BLTP1: variants seen among roughly 807,000 people sequenced by gnomAD.
BLTP1 encodes fragile site-associated protein.
At chr4:122,281,187 A>G in the BLTP1 span, 1 of 385,076 alleles carries the variant, frequency 2.6e-6, no homozygotes, top group African/African-American at 2.2e-5. Flanking sequence ...TAACAGTAGT[A>G]GTAGTAGTAA....
chr4:122,216,380 C>T, the BLTP1 span, among the ~76,000 whole-genome samples: 3 of 152,092 alleles, frequency 2.0e-5, no homozygotes, highest in African/African-American at 7.2e-5. Flanking sequence ...ACATTCCCAC[C>T]AGCAGTGTAA....
the BLTP1 span, chr4:122,304,945 G>A: frequency 1.2e-6 from 2 of 1,613,892 alleles, no homozygotes; most frequent in African/African-American, 2.7e-5. Flanking sequence ...ATGCCAGGTG[G>A]ATTTAAATCT....
the BLTP1 span, chr4:122,226,793 A>C: frequency 2.5e-6 from 4 of 1,613,202 alleles, no homozygotes; most frequent in Non-Finnish European, 3.4e-6. Flanking sequence ...AATCAGTTAT[A>C]ATATGTCAGC....
chr4:122,341,134 T>C, the BLTP1 span, among the ~76,000 whole-genome samples: 1 of 152,140 alleles, frequency 6.6e-6, no homozygotes, highest in Non-Finnish European at 1.5e-5. Flanking sequence ...TCAACATCTT[T>C]GTATGTAAAT....
chr4:122,153,282 A>G, the BLTP1 span, among the ~76,000 whole-genome samples: 1 of 150,884 alleles, frequency 6.6e-6, no homozygotes, highest in African/African-American at 2.4e-5. Flanking sequence ...AAGCGCCTGT[A>G]AGTTTCAACC....
the BLTP1 span, among the ~76,000 whole-genome samples, chr4:122,348,231 A>G: frequency 6.6e-6 from 1 of 152,298 alleles, no homozygotes; most frequent in Non-Finnish European, 1.5e-5. Context: ...TGTATTTGGC[A>G]ACAGCACCTT....
chr4:122,359,834 CT>C, the BLTP1 span: 1 of 1,441,298 alleles, frequency 6.9e-7, no homozygotes, highest in Non-Finnish European at 9.1e-7. Flanking sequence ...AGAAGTTAGT[CT>C]CCTGTAATGT....
chr4:122,279,631 C>A, the BLTP1 span: 1 of 901,884 alleles, frequency 1.1e-6, no homozygotes, highest in Non-Finnish European at 1.6e-6. Context: ...GAAATCTACA[C>A]TTTTTTTGTA....
At chr4:122,272,123 C>T in the BLTP1 span, 12 of 1,584,442 alleles carry the variant, frequency 7.6e-6, no homozygotes, top group Admixed American at 1.8e-5. Context: ...TTTCAGTCTT[C>T]GTATCTAAAA....
the BLTP1 span, chr4:122,314,137 G>A: frequency 1.0e-6 from 1 of 984,874 alleles, no homozygotes; most frequent in South Asian, 4.7e-5. Context: ...ATTTAAACAA[G>A]CACTCAAAGG....
At chr4:122,271,176 C>T in the BLTP1 span, 7 of 1,613,988 alleles carry the variant, frequency 4.3e-6, no homozygotes, top group Non-Finnish European at 5.1e-6. Flanking sequence ...TATTATAACA[C>T]CTTTCACTGC....
At chr4:122,179,647 A>G in the BLTP1 span, among the ~76,000 whole-genome samples, 1 of 152,214 alleles carries the variant, frequency 6.6e-6, no homozygotes, top group Non-Finnish European at 1.5e-5. Flanking sequence ...AAGCACACCC[A>G]TAGAACAGAA....
the BLTP1 span, chr4:122,362,042 G>A: frequency 6.2e-7 from 1 of 1,606,662 alleles, no homozygotes; most frequent in Non-Finnish European, 8.5e-7. Context: ...TTAATTTCTT[G>A]GACTGGAAGA....
the BLTP1 span, chr4:122,334,633 A>G: frequency 7.7e-7 from 1 of 1,305,004 alleles, no homozygotes; most frequent in South Asian, 1.4e-5. Flanking sequence ...TCCAATGCAC[A>G]TGTTTAAGAA....
At chr4:122,189,998 A>ATTTGGC in the BLTP1 span, 1 of 1,574,262 alleles carries the variant, frequency 6.4e-7, no homozygotes, top group Non-Finnish European at 8.6e-7. Context: ...ACCTTCTTAT[A>ATTTGGC]GACCACCGAG....
chr4:122,350,290 G>T, the BLTP1 span: 1 of 985,400 alleles, frequency 1.0e-6, no homozygotes, highest in Non-Finnish European at 1.2e-6. Context: ...TCCCCCTGCT[G>T]CAGTGCATCT....
the BLTP1 span, chr4:122,351,382 T>C: frequency 4.5e-6 from 1 of 221,862 alleles, no homozygotes; most frequent in African/African-American, 2.3e-5. Flanking sequence ...TTTAAGAAAA[T>C]ATCAAAATTC....
chr4:122,302,223 T>TG, the BLTP1 span: 1 of 963,982 alleles, frequency 1.0e-6, no homozygotes, highest in Non-Finnish European at 1.2e-6. Flanking sequence ...TGAAACATAA[T>TG]GGGAAAAAAT....
At chr4:122,317,193 G>A in the BLTP1 span, among the ~76,000 whole-genome samples, 5 of 152,142 alleles carry the variant, frequency 3.3e-5, no homozygotes, top group Admixed American at 6.5e-5. Context: ...TTAGCTGGGC[G>A]TGGTGGTACA....
Sources: gnomAD v4.1 joint callset for allele counts (sites outside exome capture counted in the v4.1 genomes callset) on GRCh38, gnomAD v4.1.1 for gene constraint, MANE v1.5 for transcripts, NCBI Gene and HGNC (gene_info 2026-07-23, HGNC 2026-07-21) for gene names.